The following TSN variants were observed in gnomAD, a reference collection of about 807,000 sequenced individuals.
TSN encodes the protein component 3 of promoter of RISC.
In TSN, 5 loss-of-function variants were observed where a neutral mutation model predicts 29.4. The observed-to-expected ratio is 0.17, with a 90% CI of 0.09 to 0.36. TSN has a LOEUF of 0.36. Among genes scored for constraint, TSN ranks in the 10% least tolerant of loss-of-function variants. The probability of loss-of-function intolerance (pLI) is 1.00; values close to 1 mark genes in which losing one functional copy is unlikely to be tolerated. For synonymous variants in TSN, 106 were observed against 102.2 expected (o/e 1.04, Z -0.23); for missense variants, 159 against 272.8 (o/e 0.58, Z 2.94).
intron 3 of TSN, among the ~76,000 whole-genome samples, chr2:121,760,505 G>T (rs979377636): frequency 1.3e-5 from 2 of 152,118 alleles, no homozygotes; most frequent in Non-Finnish European, 2.9e-5. Context: ...AGAAGGGTTT[G>T]TGTGACCTGC....
chr2:121,760,175 T>A (rs2074803817), intron 3 of TSN, among the ~76,000 whole-genome samples: 1 of 152,194 alleles, frequency 6.6e-6, no homozygotes, highest in Admixed American at 6.5e-5. Context: ...TCCTGTCAGA[T>A]TGGTGGCAGC....
chr2:121,761,641 T>C (rs936784023), intron 4 of TSN, 117 bp downstream of exon 4: 24 of 760,114 alleles, frequency 3.2e-5, no homozygotes, highest in Non-Finnish European at 4.9e-5. Flanking sequence ...AAACCACTTA[T>C]AGTTGTAGCT....
rs375724326 is a variant in TSN at position 121,755,729 on chromosome 2, A to G, written c.-51A>G. On this transcript the variant is annotated 5_prime_UTR_variant, in exon 1 of 6. Transcript: ENST00000389682. ...ATTGCGCTGGTTGCCTGCGGCGTCC[A>G]CTTCCTTGGCCGCCCTTGCTACACT... 263 of 1,608,328 alleles carry G rather than the reference A, an allele frequency of 1.6e-4. No homozygotes were observed. Among genetic ancestry groups the G allele is most frequent in the Middle Eastern group, 8.8e-4 (5 of 5,692 alleles).
intron 1 of TSN, chr2:121,756,062 T>G (rs953281965): frequency 4.1e-6 from 4 of 971,624 alleles, no homozygotes; most frequent in Non-Finnish European, 5.8e-6. Context: ...TCAGCATCAC[T>G]TGCCTCGTTT....
Position 121,755,675 on chromosome 2 carries a change from CGCGGCGGTA to C in TSN, c.-97_-89del. 6.8e-7 allele frequency: 1 copy of C among 1,474,022 alleles called. No homozygotes were observed. Among genetic ancestry groups the C allele is most frequent in the Non-Finnish European group, 9.3e-7 (1 of 1,072,194 alleles). 91.3% of individuals were successfully genotyped at this position (1,474,022 alleles called of 1,614,324 possible). ...CGGTCGTGGCGTAAGACCGGGGGGACGCGGCGGTAGCGGCGGCCGTTGCGATTGATTGCG... is the reference window on the plus strand; with the variant it reads ...CGGTCGTGGCGTAAGACCGGGGGGACGCGGCGGCCGTTGCGATTGATTGCG... On this transcript the variant is annotated 5_prime_UTR_variant, in exon 1 of 6. Transcript: ENST00000389682.
At chr2:121,756,722 T>TG in intron 1 of TSN, 1 of 794,684 alleles carries the variant, frequency 1.3e-6, no homozygotes, top group South Asian at 1.6e-5. Flanking sequence ...CTGGCCAACA[T>TG]GGGGAAACCC....
At chr2:121,761,014 C>A (rs749727200) in intron 3 of TSN, among the ~76,000 whole-genome samples, 3 of 151,720 alleles carry the variant, frequency 2.0e-5, no homozygotes, top group Admixed American at 6.6e-5. Flanking sequence ...GGACTATGGG[C>A]GCCTGCCACC....
rs183789727 is a variant in TSN, at chr2:121,766,836, G to A, written c.*1469G>A. ...GGCATACCTTTCACAGCTTTTATCA[G>A]GCCAAGTTAAAGGCTGACTACATTT... On this transcript the variant is annotated 3_prime_UTR_variant, in exon 6 of 6. Coordinates refer to ENST00000389682, the MANE Select transcript of TSN (RefSeq NM_004622.3). 170 of 152,290 alleles carry A rather than the reference G, an allele frequency of 1.1e-3. No homozygotes were observed. Among genetic ancestry groups the A allele is most frequent in the African/African-American group, 3.9e-3 (163 of 41,564 alleles). The allele number at this position is 152,290 out of a possible 1,614,324, so 9.4% of individuals were successfully genotyped here.
intron 4 of TSN, 104 bp from the exon 5 acceptor site, chr2:121,762,900 AT>A: frequency 9.4e-7 from 1 of 1,063,494 alleles, no homozygotes; most frequent in Non-Finnish European, 1.3e-6. Context: ...TTTTTAAAAG[AT>A]TCATCCTTTC....
intron 4 of TSN, among the ~76,000 whole-genome samples, chr2:121,762,720 T>C (rs1175888128): frequency 6.6e-6 from 1 of 152,210 alleles, no homozygotes; most frequent in Non-Finnish European, 1.5e-5. Flanking sequence ...GTAACTCCTT[T>C]CTGAAATGCT....
chr2:121,760,755 C>T (rs1558691443), intron 3 of TSN, among the ~76,000 whole-genome samples: 1 of 151,834 alleles, frequency 6.6e-6, no homozygotes, highest in Non-Finnish European at 1.5e-5. Flanking sequence ...CAGTTGTCTT[C>T]AATCATCAGT....
At chr2:121,756,908 CAAAA>C (rs548676853) in intron 1 of TSN, among the ~76,000 whole-genome samples, 2 of 63,878 alleles carry the variant, frequency 3.1e-5, no homozygotes, top group Non-Finnish European at 3.4e-5. Context: ...GACTCCGTCT[CAAAA>C]AAAAAAAAAA....
chr2:121,757,626 T>A, intron 2 of TSN: 1 of 370,416 alleles, frequency 2.7e-6, no homozygotes, highest in Non-Finnish European at 4.8e-6. Flanking sequence ...ATTCTCAGGG[T>A]AAGCGGGAAA....
rs1367486528 is a variant in TSN at position 121,765,476 on chromosome 2, T to A, written c.*109T>A. On this transcript the variant is annotated 3_prime_UTR_variant, in exon 6 of 6. Transcript: ENST00000389682. ...ATGCTCAGTTGCTAAACACTGCGCT[T>A]TATTTTCTTAACCAGTTGTGGTGTG... is the stretch of plus-strand genomic sequence containing the variant. 2 of 982,304 alleles carry A rather than the reference T, an allele frequency of 2.0e-6. No individual in the cohort carries two copies. Among genetic ancestry groups the A allele is most frequent in the African/African-American group, 3.3e-5 (2 of 61,468 alleles). 60.8% of individuals were successfully genotyped at this position (982,304 alleles called of 1,614,324 possible).
intron 1 of TSN, chr2:121,756,069 G>C (rs1278060923): frequency 1.1e-6 from 1 of 905,286 alleles, no homozygotes; most frequent in Admixed American, 3.0e-5. Flanking sequence ...CACTTGCCTC[G>C]TTTGTGTCAG....
chr2:121,762,282 G>A (rs773398113), intron 4 of TSN, among the ~76,000 whole-genome samples: 15 of 151,868 alleles, frequency 9.9e-5, no homozygotes, highest in Admixed American at 2.0e-4. Flanking sequence ...GTGAGTGACC[G>A]CACTCAGCCA....
chr2:121,756,097 A>C, intron 1 of TSN: 1 of 699,348 alleles, frequency 1.4e-6, no homozygotes, highest in Non-Finnish European at 2.2e-6. Flanking sequence ...TCTTTTCAGC[A>C]CTTGTTTATA....
intron 5 of TSN, among the ~76,000 whole-genome samples, chr2:121,764,586 T>C (rs2074877756): frequency 6.6e-6 from 1 of 151,858 alleles, no homozygotes; most frequent in Non-Finnish European, 1.5e-5. Flanking sequence ...AATGGAGCAG[T>C]AGGGGGTTGT....
At chr2:121,755,974 C>G (rs1387676143) in intron 1 of TSN, 129 bp downstream of exon 1, 5 of 1,516,060 alleles carry the variant, frequency 3.3e-6, no homozygotes, top group Non-Finnish European at 2.7e-6. Flanking sequence ...TCCCCTCTAG[C>G]TTTAGGTTAG....
Sources: gnomAD v4.1 joint callset for allele counts (sites outside exome capture counted in the v4.1 genomes callset) on GRCh38, gnomAD v4.1.1 for gene constraint, MANE v1.5 for transcripts, NCBI Gene and HGNC (gene_info 2026-07-23, HGNC 2026-07-21) for gene names.